SEMA4D: variants seen among roughly 807,000 people sequenced by gnomAD.
The protein encoded by SEMA4D is semaphorin-4D.
Under a neutral mutation model 74.8 loss-of-function variants are expected in SEMA4D, and 22 were observed. The ratio of observed to expected loss-of-function variants is 0.29; its 90% confidence interval spans 0.21 to 0.42. The LOEUF is 0.42. Ranked by LOEUF, SEMA4D falls within the 10% of genes least tolerant of loss-of-function variation. The pLI is 1.00. For missense variants in SEMA4D, 937 were observed against 1,118.4 expected (o/e 0.84, Z 2.31); for synonymous variants, 445 against 463.7 (o/e 0.96, Z 0.52).
intron 18 of SEMA4D, among the ~76,000 whole-genome samples, chr9:89,362,649 T>G (rs1032402325): frequency 7.2e-5 from 11 of 152,304 alleles, no homozygotes; most frequent in African/African-American, 2.6e-4. Context: ...ACTCCCAGAT[T>G]GTGCTGAGAG....
intron 13 of SEMA4D, among the ~76,000 whole-genome samples, chr9:89,383,666 T>C (rs1302130748): frequency 6.6e-6 from 1 of 152,148 alleles, no homozygotes; most frequent in Non-Finnish European, 1.5e-5. Flanking sequence ...AAATGCACAC[T>C]GGCTATGTGA....
At chr9:89,441,529 G>A (rs1454224756) in intron 2 of SEMA4D, among the ~76,000 whole-genome samples, 1 of 152,222 alleles carries the variant, frequency 6.6e-6, no homozygotes, top group Non-Finnish European at 1.5e-5. Context: ...CCCACATCAT[G>A]GGCCACCCCC....
Position 89,422,534 on chromosome 9 carries a change from C to T in SEMA4D, c.-243-16835G>A, listed in dbSNP as rs907508699. Among the ~76,000 whole-genome samples, 6 of 152,224 alleles carry T rather than the reference C, an allele frequency of 3.9e-5. 1 individual carries two copies. The highest frequency in any genetic ancestry group is 4.1e-4 in the South Asian group (2 of 4,838). On this transcript the variant is annotated intron_variant, in intron 2 of 15. Transcript: ENST00000422704. ...AGAGGAAGAGGGCCCGCGTGGGTCA[C>T]GTCCAGGTCCTGTGTGTCCCTGCCC...
intron 2 of SEMA4D, among the ~76,000 whole-genome samples, chr9:89,424,024 T>C (rs184828074): frequency 8.4e-6 from 1 of 118,918 alleles, no homozygotes; most frequent in East Asian, 3.0e-4. Context: ...ACTCCCTCAG[T>C]ACCTCTCCTC....
In SEMA4D at chr9:89,469,810, A is replaced by AT. The variant is rs561243904; in HGVS notation, c.-309-13858dup. On this transcript the variant is annotated intron_variant, in intron 1 of 15. Coordinates refer to ENST00000422704, the MANE Select transcript of SEMA4D (RefSeq NM_001371194.2). ...AAACTCACAGCTAACATCATATTTC[A>AT]TGGTGGCAGACAGATGCTTTCACCG... is the stretch of plus-strand genomic sequence containing the variant. Among the ~76,000 whole-genome samples, 230 of 152,368 alleles carry AT rather than the reference A, an allele frequency of 1.5e-3. 2 individuals are homozygous for AT. Among genetic ancestry groups the AT allele is most frequent in the African/African-American group, 5.0e-3 (208 of 41,586 alleles).
chr9:89,421,930 A>G (rs1190903517), intron 2 of SEMA4D, among the ~76,000 whole-genome samples: 1 of 152,174 alleles, frequency 6.6e-6, no homozygotes, highest in East Asian at 1.9e-4. Context: ...AGTGTGCTTC[A>G]TTTTTCATGA....
chr9:89,365,816 C>A (rs911195879), intron 16 of SEMA4D, among the ~76,000 whole-genome samples: 1 of 152,224 alleles, frequency 6.6e-6, no homozygotes, highest in Non-Finnish European at 1.5e-5. Flanking sequence ...CTTTCCATTT[C>A]TGTGGCACAT....
chr9:89,461,402 C>T (rs760862775), intron 1 of SEMA4D, among the ~76,000 whole-genome samples: 2 of 152,134 alleles, frequency 1.3e-5, no homozygotes, highest in Non-Finnish European at 2.9e-5. Flanking sequence ...GAGAGAAGCA[C>T]GTCAATAGAT....
At chr9:89,426,176 T>C (rs1386617021) in intron 2 of SEMA4D, among the ~76,000 whole-genome samples, 2 of 152,142 alleles carry the variant, frequency 1.3e-5, no homozygotes, top group African/African-American at 4.8e-5. Flanking sequence ...TCAGCCCAGC[T>C]GCAAAGGCGC....
intron 13 of SEMA4D, among the ~76,000 whole-genome samples, chr9:89,382,413 T>C (rs560514236): frequency 5.9e-5 from 9 of 151,992 alleles, no homozygotes; most frequent in Admixed American, 3.9e-4. Flanking sequence ...ACGCTCGGAG[T>C]CAACTTCAGA....
intron 2 of SEMA4D, among the ~76,000 whole-genome samples, chr9:89,432,398 C>A (rs544871412): frequency 1.3e-5 from 2 of 152,082 alleles, no homozygotes; most frequent in Non-Finnish European, 2.9e-5. Context: ...ATGATCAGGG[C>A]GGCCACAGTA....
chr9:89,391,340 A>T lies in SEMA4D; in HGVS notation c.698T>A (p.Phe233Tyr). ...SPDGEDDRVY[F>Y]FFTEVSVEYE... ...CTCCACAGACACCTCCGTGAAGAAG[A>T]AGTAGACCCTGTCATCCTCGCCGTC... The change falls in exon 9 of 16, where the codon TTC becomes TAC. Residue 233 changes from phenylalanine (F) to tyrosine (Y), a missense_variant. Physicochemically the swap from Phe to Tyr is conservative, Grantham distance 22 (BLOSUM62 3). Coordinates refer to ENST00000422704, the MANE Select transcript of SEMA4D (RefSeq NM_001371194.2). 6.2e-7 allele frequency: 1 copy of T among 1,614,256 alleles called. No individual in the cohort carries two copies. The highest frequency in any genetic ancestry group is 8.5e-7 in the Non-Finnish European group (1 of 1,180,040).
intron 2 of SEMA4D, among the ~76,000 whole-genome samples, chr9:89,432,681 G>T (rs1849533743): frequency 6.6e-6 from 1 of 152,104 alleles, no homozygotes; most frequent in Non-Finnish European, 1.5e-5. Flanking sequence ...CACCAATCAG[G>T]GTGGCCACTA....
chr9:89,405,019 C>T (rs1315067650), intron 3 of SEMA4D, among the ~76,000 whole-genome samples: 1 of 141,744 alleles, frequency 7.1e-6, no homozygotes, highest in Non-Finnish European at 1.5e-5. Flanking sequence ...GAAGTGGGGT[C>T]CCCATCCCAT....
intron 2 of SEMA4D, among the ~76,000 whole-genome samples, chr9:89,442,035 TG>T (rs1268176682): frequency 1.4e-4 from 21 of 152,388 alleles, no homozygotes; most frequent in Admixed American, 1.1e-3. Context: ...GCACAGTTCA[TG>T]GATGTGTAGA....
chr9:89,451,426 C>T (rs1854477202), intron 2 of SEMA4D, among the ~76,000 whole-genome samples: 1 of 152,156 alleles, frequency 6.6e-6, no homozygotes, highest in African/African-American at 2.4e-5. Flanking sequence ...TCCATCTCAA[C>T]CTTACCCTTT....
intron 1 of SEMA4D, among the ~76,000 whole-genome samples, chr9:89,472,969 G>A (rs777266967): frequency 1.2e-4 from 18 of 151,442 alleles, no homozygotes; most frequent in Non-Finnish European, 2.4e-4. Flanking sequence ...GGTGGCACAC[G>A]CCTGTGGTCC....
In SEMA4D at chr9:89,377,989, A is replaced by T. The variant is rs1200251426; in HGVS notation, c.*715T>A. On this transcript the variant is annotated 3_prime_UTR_variant, in exon 16 of 16. Coordinates refer to ENST00000422704, the MANE Select transcript of SEMA4D (RefSeq NM_001371194.2). ...AAGTTAAAAAAAAAAAAAGAAAAAG[A>T]AAAAAGGTGAGTGGGCTCCGGGGAG... 5 of 152,502 alleles carry T rather than the reference A, an allele frequency of 3.3e-5. No individual in the cohort carries two copies. Among genetic ancestry groups the T allele is most frequent in the Non-Finnish European group, 1.5e-5 (1 of 68,034 alleles). The allele number at this position is 152,502 out of a possible 1,614,324, so 9.4% of individuals were successfully genotyped here. A position where few individuals can be genotyped will look rare whatever the true frequency, so the allele number is the denominator to read the frequency against.
At position 89,488,253 on chromosome 9, in the gene SEMA4D, A is replaced by T. The variant is rs571557323; in HGVS notation, c.-310+9666T>A. Among the ~76,000 whole-genome samples, 13 of 152,188 alleles carry T rather than the reference A, an allele frequency of 8.5e-5. No homozygotes were observed. The East Asian group carries it at 2.5e-3, about 29-fold the overall frequency. ...GGCTTGCTGTTGTTGTTTACTTTAAAACAAATGGTGTGAGAACAATCGGAA... is the reference window on the plus strand; with the variant it reads ...GGCTTGCTGTTGTTGTTTACTTTAATACAAATGGTGTGAGAACAATCGGAA... On this transcript the variant is annotated intron_variant, in intron 1 of 15. Transcript: ENST00000422704.
Sources: gnomAD v4.1 joint callset for allele counts (sites outside exome capture counted in the v4.1 genomes callset) on GRCh38, gnomAD v4.1.1 for gene constraint, MANE v1.5 for transcripts, NCBI Gene and HGNC (gene_info 2026-07-23, HGNC 2026-07-21) for gene names.